The following WDR70 variants were observed in gnomAD, a reference collection of about 807,000 sequenced individuals.
The protein encoded by WDR70 is WD repeat-containing protein 70.
In WDR70, 53 loss-of-function variants were observed where a neutral mutation model predicts 88.6. That is an observed-to-expected ratio of 0.60 (90% CI 0.48 to 0.75). The LOEUF is 0.75. WDR70 is among the 30% of genes least tolerant of loss of function. The pLI is 0.00. For synonymous variants in WDR70, 280 were observed against 270.0 expected, an observed-to-expected ratio of 1.04 and a Z score of -0.36; for missense variants, 610 against 823.2, an observed-to-expected ratio of 0.74 and a Z score of 3.17.
At chr5:37,399,387 C>CTCTA (rs1749129601) in intron 5 of WDR70, among the ~76,000 whole-genome samples, 1 of 152,154 alleles carries the variant, frequency 6.6e-6, no homozygotes, top group Non-Finnish European at 1.5e-5. Context: ...CACCACTGCA[C>CTCTA]TCTAGCCTGG....
chr5:37,740,914 C>T (rs1748453904), intron 17 of WDR70, among the ~76,000 whole-genome samples: 1 of 152,192 alleles, frequency 6.6e-6, no homozygotes, highest in South Asian at 2.1e-4. Flanking sequence ...CTCTGGTCCA[C>T]CAGCCAGTGC....
intron 9 of WDR70, among the ~76,000 whole-genome samples, chr5:37,597,536 A>T (rs924320321): frequency 3.3e-5 from 5 of 151,934 alleles, no homozygotes; most frequent in Admixed American, 3.3e-4. Context: ...TTAAATATTG[A>T]TTTATTTTTC....
At position 37,603,035 on chromosome 5, in the gene WDR70, A is replaced by G. The variant is rs186155728; in HGVS notation, c.918-2029A>G. ...ATGGAAAGATATTCCATGTCCATGGATTAGAAAAATTAATGTTGCTGACAT... is the reference window on the plus strand; with the variant it reads ...ATGGAAAGATATTCCATGTCCATGGGTTAGAAAAATTAATGTTGCTGACAT... On this transcript the variant is annotated intron_variant, in intron 9 of 17. Coordinates refer to ENST00000265107, the MANE Select transcript of WDR70 (RefSeq NM_018034.4). 2.0e-3 allele frequency among the ~76,000 whole-genome samples: 301 copies of G among 152,284 alleles called. 8 individuals are homozygous for G. The South Asian group carries it at 0.021, about 10-fold the overall frequency.
chr5:37,598,618 A>G (rs1027262830), intron 9 of WDR70, among the ~76,000 whole-genome samples: 2 of 152,216 alleles, frequency 1.3e-5, no homozygotes, highest in Non-Finnish European at 2.9e-5. Context: ...TAGAAGTACA[A>G]ATTTATCCAG....
At chr5:37,727,357 A>G (rs1748003847) in intron 17 of WDR70, among the ~76,000 whole-genome samples, 2 of 152,144 alleles carry the variant, frequency 1.3e-5, no homozygotes, top group South Asian at 4.1e-4. Flanking sequence ...ATCTTAGTTG[A>G]CGAGGGTTAA....
intron 9 of WDR70, among the ~76,000 whole-genome samples, chr5:37,573,021 T>C (rs1742952311): frequency 6.6e-6 from 1 of 152,220 alleles, no homozygotes. Flanking sequence ...GGAATGCTCT[T>C]ATTTTCACTC....
chr5:37,511,602 C>A (rs1213029290), intron 8 of WDR70, among the ~76,000 whole-genome samples: 1 of 152,116 alleles, frequency 6.6e-6, no homozygotes, highest in African/African-American at 2.4e-5. Flanking sequence ...TATATTACTT[C>A]TAGACATTCT....
At chr5:37,692,516 C>G (rs1012099872) in intron 10 of WDR70, among the ~76,000 whole-genome samples, 1 of 152,152 alleles carries the variant, frequency 6.6e-6, no homozygotes, top group Non-Finnish European at 1.5e-5. Context: ...GCTTATCCAC[C>G]ATGATCAAGT....
chr5:37,495,782 T>C (rs978095551), intron 8 of WDR70, among the ~76,000 whole-genome samples: 3 of 152,228 alleles, frequency 2.0e-5, no homozygotes, highest in African/African-American at 7.2e-5. Context: ...GTACTGAATC[T>C]GTTTAGACCC....
In WDR70 at chr5:37,647,166, T is replaced by C. The variant is rs557509094; in HGVS notation, c.1092+41928T>C. 1.6e-4 allele frequency among the ~76,000 whole-genome samples: 25 copies of C among 152,348 alleles called. No individual in the cohort carries two copies. The South Asian group carries it at 5.2e-3, about 32-fold the overall frequency. ...GCTGTTAAGAGACCCTGATGCATTCTTTAGCATGTCAGTTGCATTTTTCAA... is the reference window on the plus strand; with the variant it reads ...GCTGTTAAGAGACCCTGATGCATTCCTTAGCATGTCAGTTGCATTTTTCAA... On this transcript the variant is annotated intron_variant, in intron 10 of 17. Transcript: ENST00000265107.
intron 7 of WDR70, among the ~76,000 whole-genome samples, chr5:37,443,754 A>G (rs1006167396): frequency 4.6e-5 from 7 of 152,084 alleles, no homozygotes; most frequent in African/African-American, 1.7e-4. Context: ...CGGGAGGCTG[A>G]GGCAGGAGAA....
At position 37,471,819 on chromosome 5, in the gene WDR70, C is replaced by G. The variant is rs73072214; in HGVS notation, c.687-8015C>G. On this transcript the variant is annotated intron_variant, in intron 7 of 17. Transcript: ENST00000265107. ...AATAAGGACAAAGATTTATTATTTA[C>G]AATGTCAAATTGACTCCGCATCATT... Among the ~76,000 whole-genome samples, 1,351 of 152,042 alleles carry G rather than the reference C, an allele frequency of 8.9e-3. 40 individuals are homozygous for G. Among genetic ancestry groups the G allele is most frequent in the African/African-American group, 0.031 (1,280 of 41,348 alleles).
intron 17 of WDR70, among the ~76,000 whole-genome samples, chr5:37,748,817 T>G (rs1015171168): frequency 2.0e-5 from 3 of 152,160 alleles, no homozygotes; most frequent in African/African-American, 4.8e-5. Context: ...CAGACACTTC[T>G]AAAAAGAAGT....
intron 5 of WDR70, among the ~76,000 whole-genome samples, chr5:37,417,717 C>A (rs1333972490): frequency 3.3e-5 from 5 of 152,000 alleles, no homozygotes; most frequent in Admixed American, 3.3e-4. Context: ...TATTTTATTA[C>A]CTTATTCTTT....
intron 8 of WDR70, among the ~76,000 whole-genome samples, chr5:37,492,407 A>G (rs1297482652): frequency 6.6e-6 from 1 of 152,214 alleles, no homozygotes; most frequent in Non-Finnish European, 1.5e-5. Flanking sequence ...GAATTCTAAG[A>G]TGGCTCCTAA....
chr5:37,598,052 C>G (rs1173733833), intron 9 of WDR70, among the ~76,000 whole-genome samples: 1 of 151,932 alleles, frequency 6.6e-6, no homozygotes, highest in Non-Finnish European at 1.5e-5. Flanking sequence ...TCCAGTTGTT[C>G]CAGCATGATT....
At chr5:37,415,299 C>T (rs1749669077) in intron 5 of WDR70, among the ~76,000 whole-genome samples, 2 of 151,610 alleles carry the variant, frequency 1.3e-5, no homozygotes, top group Admixed American at 6.6e-5. Flanking sequence ...CTGTTGGGTA[C>T]ACCTCCCAGA....
intron 9 of WDR70, among the ~76,000 whole-genome samples, chr5:37,567,483 C>G (rs186508196): frequency 6.6e-6 from 1 of 152,088 alleles, no homozygotes; most frequent in East Asian, 1.9e-4. Context: ...GAAGTGCTAA[C>G]AATATAATCT....
intron 5 of WDR70, among the ~76,000 whole-genome samples, chr5:37,397,612 T>C (rs190652815): frequency 2.0e-5 from 3 of 152,358 alleles, no homozygotes; most frequent in Middle Eastern, 3.4e-3. Context: ...TCAGAGTTCA[T>C]TGCTTTGTAA....
Sources: allele counts gnomAD v4.1 joint callset (sites outside exome capture counted in the v4.1 genomes callset), GRCh38; gene constraint gnomAD v4.1.1; transcripts MANE v1.5; gene names NCBI Gene and HGNC (gene_info 2026-07-23, HGNC 2026-07-21).